Variants in UHMK1 observed in about 807,000 individuals in gnomAD.
The protein encoded by UHMK1 is serine/threonine-protein kinase Kist.
UHMK1 carries 18 observed loss-of-function variants against 44.0 expected under a neutral mutation model. The observed-to-expected ratio is 0.41, with a 90% CI of 0.28 to 0.61. UHMK1 has a LOEUF of 0.61. Ranked by LOEUF, UHMK1 falls within the 20% of genes least tolerant of loss-of-function variation. The pLI is 0.31. For missense variants in UHMK1, 463 were observed against 522.5 expected (o/e 0.89, Z 1.11); for synonymous variants, 231 against 198.5 (o/e 1.16, Z -1.38).
Position 162,500,907 on chromosome 1 carries a change from T to C in UHMK1, c.562-6T>C. 1 of 1,608,852 alleles carries C rather than the reference T, an allele frequency of 6.2e-7. No individual in the cohort carries two copies. On this transcript the variant is annotated splice_polypyrimidine_tract_variant and splice_region_variant and intron_variant, in intron 2 of 7. Transcript: ENST00000489294. ...ATTGGTTGTAATATTTACTCATCTT[T>C]TTTAGGATGTAAAGTATATTCAGAC...
At chr1:162,503,984 G>T in intron 4 of UHMK1, 136 bp downstream of exon 4, 1 of 687,274 alleles carries the variant, frequency 1.5e-6, no homozygotes, top group Non-Finnish European at 2.3e-6. Flanking sequence ...TACCAAATTT[G>T]TTTTCAAAGG....
chr1:162,504,301 G>A (rs1391389568), intron 4 of UHMK1, among the ~76,000 whole-genome samples: 2 of 152,132 alleles, frequency 1.3e-5, no homozygotes, highest in African/African-American at 4.8e-5. Flanking sequence ...GAATAGATCC[G>A]AAAACAATAG....
intron 6 of UHMK1, among the ~76,000 whole-genome samples, chr1:162,514,302 AAG>A (rs960690138): frequency 2.0e-5 from 3 of 152,080 alleles, no homozygotes; most frequent in Non-Finnish European, 2.9e-5. Context: ...AAAAAAAAAA[AAG>A]AGGGTAGACT....
chr1:162,512,055 T>C (rs1473892937), intron 4 of UHMK1, among the ~76,000 whole-genome samples: 1 of 151,920 alleles, frequency 6.6e-6, no homozygotes, highest in Admixed American at 6.6e-5. Context: ...TTCTCAAGAT[T>C]ATTTTGGCTA....
chr1:162,506,945 A>G (rs1370583668), intron 4 of UHMK1, among the ~76,000 whole-genome samples: 1 of 152,140 alleles, frequency 6.6e-6, no homozygotes, highest in East Asian at 1.9e-4. Flanking sequence ...TAGTAATTTT[A>G]TCAAAATATA....
At chr1:162,514,102 A>G (rs1651757227) in intron 6 of UHMK1, among the ~76,000 whole-genome samples, 1 of 152,150 alleles carries the variant, frequency 6.6e-6, no homozygotes, top group South Asian at 2.1e-4. Context: ...TAGAGAGACA[A>G]TTTTGTGTAG....
At chr1:162,512,659 C>T in intron 5 of UHMK1, 66 bp from the exon 6 acceptor site, 4 of 1,603,106 alleles carry the variant, frequency 2.5e-6, no homozygotes, top group Non-Finnish European at 3.4e-6. Flanking sequence ...TCACAAGTTC[C>T]TTTATCTGGT....
At chr1:162,518,402 T>G (rs1287349458) in intron 7 of UHMK1, among the ~76,000 whole-genome samples, 2 of 152,168 alleles carry the variant, frequency 1.3e-5, no homozygotes. Flanking sequence ...AATTTTTTTT[T>G]TTTTTAAATA....
chr1:162,497,672 TG>T, upstream of UHMK1: 1 of 734,204 alleles, frequency 1.4e-6, no homozygotes, highest in Non-Finnish European at 1.9e-6. Flanking sequence ...GGGCCTGGAA[TG>T]GTAGATACTC....
intron 4 of UHMK1, among the ~76,000 whole-genome samples, chr1:162,510,771 C>T (rs905091374): frequency 7.3e-5 from 11 of 151,718 alleles, no homozygotes; most frequent in African/African-American, 2.7e-4. Context: ...CTGCAACAAA[C>T]GTGGGCCTAC....
intron 4 of UHMK1, among the ~76,000 whole-genome samples, chr1:162,512,180 T>TG (rs918798343): frequency 6.6e-6 from 1 of 151,588 alleles, no homozygotes; most frequent in African/African-American, 2.4e-5. Context: ...ATCCCACCGA[T>TG]ATCTTTTTTT....
At chr1:162,506,241 T>C in intron 4 of UHMK1, among the ~76,000 whole-genome samples, 1 of 137,450 alleles carries the variant, frequency 7.3e-6, no homozygotes, top group Admixed American at 7.3e-5. Context: ...CCCCCCACCA[T>C]TTTACATAGA....
At chr1:162,504,822 T>A (rs1174445396) in intron 4 of UHMK1, among the ~76,000 whole-genome samples, 1 of 152,206 alleles carries the variant, frequency 6.6e-6, no homozygotes, top group Non-Finnish European at 1.5e-5. Context: ...TCACCCAAGC[T>A]GGAGTGCAGT....
intron 2 of UHMK1, 106 bp from the exon 3 acceptor site, chr1:162,500,807 C>T (rs1235780736): frequency 9.9e-6 from 11 of 1,110,466 alleles, no homozygotes; most frequent in Non-Finnish European, 1.2e-5. Flanking sequence ...TAGCATTTAG[C>T]TTGGCAGTGG....
At chr1:162,503,876 T>C in intron 4 of UHMK1, 28 bp downstream of exon 4, 1 of 1,576,266 alleles carries the variant, frequency 6.3e-7, no homozygotes, top group Non-Finnish European at 8.7e-7. Context: ...TAAACTTGCT[T>C]TGCATTCATG....
rs1652312321 is a variant in UHMK1 at position 162,528,123 on chromosome 1, G to A, written c.*5573G>A. 1.3e-5 allele frequency: 2 copies of A among 152,090 alleles called. No individual in the cohort carries two copies. Among genetic ancestry groups the A allele is most frequent in the Non-Finnish European group, 2.9e-5 (2 of 67,906 alleles). The allele number at this position is 152,090 out of a possible 1,614,324, so 9.4% of individuals were successfully genotyped here. A position where few individuals can be genotyped will look rare whatever the true frequency, so the allele number is the denominator to read the frequency against. Reference sequence around the variant, plus strand: ...GTGAGGGTATAAGAGCAAATGTAGTGAGGTATTCAAAAATCCTGCATATAT... The same window carrying A: ...GTGAGGGTATAAGAGCAAATGTAGTAAGGTATTCAAAAATCCTGCATATAT... On this transcript the variant is annotated 3_prime_UTR_variant, in exon 8 of 8. Transcript: ENST00000489294.
chr1:162,501,358 C>T (rs146404794), intron 3 of UHMK1, among the ~76,000 whole-genome samples: 73 of 152,130 alleles, frequency 4.8e-4, no homozygotes, highest in Admixed American at 1.4e-3. Flanking sequence ...TTAGTAGACA[C>T]GGAGTTTCAC....
chr1:162,512,420 C>G, intron 4 of UHMK1, 80 bp from the exon 5 acceptor site: 3 of 1,106,610 alleles, frequency 2.7e-6, no homozygotes, highest in Non-Finnish European at 4.0e-6. Context: ...GATGAACATT[C>G]AGACATTCTT....
chr1:162,508,689 A>G (rs1173694060), intron 4 of UHMK1, among the ~76,000 whole-genome samples: 1 of 151,756 alleles, frequency 6.6e-6, no homozygotes, highest in Non-Finnish European at 1.5e-5. Flanking sequence ...GTGACAGAGC[A>G]GGACTCTGTC....
Sources: allele counts gnomAD v4.1 joint callset (sites outside exome capture counted in the v4.1 genomes callset), GRCh38; gene constraint gnomAD v4.1.1; transcripts MANE v1.5; gene names NCBI Gene and HGNC (gene_info 2026-07-23, HGNC 2026-07-21).